PCSK6: variants seen among roughly 807,000 people sequenced by gnomAD.
PCSK6 encodes proprotein convertase subtilisin/kexin type 6, also known as paired basic amino acid cleaving enzyme 4.
A neutral mutation model predicts 123.3 loss-of-function variants in PCSK6; 85 were observed. The ratio of observed to expected loss-of-function variants is 0.69; its 90% CI spans 0.58 to 0.83. PCSK6 has a LOEUF of 0.83. Among genes scored for constraint, PCSK6 ranks in the 40% least tolerant of loss-of-function variants. The pLI, the probability that PCSK6 is intolerant of heterozygous loss-of-function variation, is 0.00. For synonymous variants in PCSK6, 508 were observed against 516.0 expected (o/e 0.98, Z 0.21); for missense variants, 1,191 against 1,282.3 (o/e 0.93, Z 1.09).
chr15:101,403,304 G>A (rs1283173970), intron 6 of PCSK6, among the ~76,000 whole-genome samples: 1 of 149,060 alleles, frequency 6.7e-6, no homozygotes, highest in East Asian at 2.0e-4. Context: ...ATAGCATTAG[G>A]AGATATACCT....
intron 8 of PCSK6, among the ~76,000 whole-genome samples, chr15:101,392,773 C>A (rs1394042237): frequency 6.6e-6 from 1 of 152,242 alleles, no homozygotes; most frequent in South Asian, 2.1e-4. Context: ...TCTGTAGCAA[C>A]AGAATGCCTA....
chr15:101,380,003 C>A (rs2041869454), intron 11 of PCSK6, among the ~76,000 whole-genome samples: 1 of 152,148 alleles, frequency 6.6e-6, no homozygotes, highest in Non-Finnish European at 1.5e-5. Flanking sequence ...ATCTGATAAG[C>A]AAGTGGTGTG....
chr15:101,462,214 T>C (rs2057355768), intron 1 of PCSK6, among the ~76,000 whole-genome samples: 1 of 152,230 alleles, frequency 6.6e-6, no homozygotes, highest in Non-Finnish European at 1.5e-5. Flanking sequence ...TGTTAGACAC[T>C]TAAGGTACCT....
intron 19 of PCSK6, among the ~76,000 whole-genome samples, chr15:101,318,065 T>G (rs998493332): frequency 6.6e-6 from 1 of 152,244 alleles, no homozygotes; most frequent in African/African-American, 2.4e-5. Flanking sequence ...CACACTGTTA[T>G]GTAACCATTG....
chr15:101,488,022 C>T (rs1473556372), intron 1 of PCSK6, among the ~76,000 whole-genome samples: 3 of 152,160 alleles, frequency 2.0e-5, no homozygotes, highest in African/African-American at 7.2e-5. Context: ...CTCGAACCTG[C>T]CTTGTGAAGA....
At chr15:101,307,369 C>T (rs763460633) in intron 20 of PCSK6, 44 bp from the exon 21 acceptor site, 1 of 1,436,954 alleles carries the variant, frequency 7.0e-7, no homozygotes, top group East Asian at 2.4e-5. Flanking sequence ...GGAAGAGGCT[C>T]CACCACTCCG....
At chr15:101,347,084 C>T in intron 13 of PCSK6, 1 of 1,231,654 alleles carries the variant, frequency 8.1e-7, no homozygotes. Context: ...CCAAGTTCTT[C>T]AGCTCTGTTT....
chr15:101,467,995 T>C (rs893256144), intron 1 of PCSK6, among the ~76,000 whole-genome samples: 1 of 152,222 alleles, frequency 6.6e-6, no homozygotes, highest in Non-Finnish European at 1.5e-5. Flanking sequence ...TTATACTTTG[T>C]ATAACCAACA....
At chr15:101,439,712 C>T (rs2056703495) in intron 2 of PCSK6, among the ~76,000 whole-genome samples, 2 of 152,230 alleles carry the variant, frequency 1.3e-5, no homozygotes, top group African/African-American at 4.8e-5. Context: ...TTCAACATTG[C>T]ATCACTGCTG....
intron 1 of PCSK6, among the ~76,000 whole-genome samples, chr15:101,460,020 T>C (rs1596358224): frequency 6.6e-6 from 1 of 152,188 alleles, no homozygotes; most frequent in East Asian, 1.9e-4. Flanking sequence ...TTCCATCTGA[T>C]GTTTGCCACC....
Position 101,307,483 on chromosome 15 carries a change from GC to G in PCSK6, c.2700-159del, listed in dbSNP as rs1317026061. On this transcript the variant is annotated intron_variant, in intron 20 of 21. Coordinates refer to ENST00000611716, the MANE Select transcript of PCSK6 (RefSeq NM_002570.5). The stretch of plus-strand genomic sequence containing the variant: ...TCGCCCACCATTCCCTGACACAGGG[GC>G]TGAGTGTCTGCATGTCTTTTCTCCT... The G allele has an allele frequency of 9.9e-6, 6 of 607,058 alleles. No individual in the cohort carries two copies. In the African/African-American group the frequency reaches 1.1e-4, roughly 11 times the overall value. The allele number at this position is 607,058 out of a possible 1,614,324, so 37.6% of individuals were successfully genotyped here. A position where few individuals can be genotyped will look rare whatever the true frequency, so the allele number is the denominator to read the frequency against.
intron 13 of PCSK6, among the ~76,000 whole-genome samples, chr15:101,356,690 TAAATAAATAAATA>T (rs2041055470): frequency 1.3e-5 from 1 of 78,514 alleles, no homozygotes; most frequent in African/African-American, 3.4e-5. Context: ...AATAAATAAA[TAAATAAATAAATA>T]AATAAATAAA....
chr15:101,472,810 G>C (rs894582435), intron 1 of PCSK6, among the ~76,000 whole-genome samples: 1 of 152,220 alleles, frequency 6.6e-6, no homozygotes, highest in Non-Finnish European at 1.5e-5. Flanking sequence ...GTTCTCTGTA[G>C]CCATTGAACT....
intron 13 of PCSK6, among the ~76,000 whole-genome samples, chr15:101,350,057 C>A (rs1044500185): frequency 2.0e-5 from 3 of 152,010 alleles, no homozygotes; most frequent in African/African-American, 7.3e-5. Flanking sequence ...TACAGGTGCA[C>A]GCCACCATGC....
At chr15:101,437,411 C>A (rs748550482) in intron 2 of PCSK6, among the ~76,000 whole-genome samples, 2 of 152,120 alleles carry the variant, frequency 1.3e-5, no homozygotes, top group Non-Finnish European at 2.9e-5. Flanking sequence ...TAAGCCCGGG[C>A]AGTAGAGGAG....
At chr15:101,413,945 C>G (rs1232246825) in intron 6 of PCSK6, among the ~76,000 whole-genome samples, 1 of 151,796 alleles carries the variant, frequency 6.6e-6, no homozygotes. Flanking sequence ...CTACAGGAGA[C>G]TCAATTCAAA....
At chr15:101,394,817 A>G (rs1377399088) in intron 7 of PCSK6, among the ~76,000 whole-genome samples, 1 of 152,186 alleles carries the variant, frequency 6.6e-6, no homozygotes, top group Non-Finnish European at 1.5e-5. Flanking sequence ...GGCTCCCAAG[A>G]AAGCCCACAG....
At chr15:101,371,150 C>T (rs1305738729) in intron 11 of PCSK6, among the ~76,000 whole-genome samples, 2 of 152,026 alleles carry the variant, frequency 1.3e-5, no homozygotes, top group African/African-American at 4.8e-5. Flanking sequence ...GAGGTTGCAG[C>T]GAGCCGAGGT....
At chr15:101,372,565 C>G (rs1306205494) in intron 11 of PCSK6, among the ~76,000 whole-genome samples, 1 of 152,158 alleles carries the variant, frequency 6.6e-6, no homozygotes, top group African/African-American at 2.4e-5. Context: ...CAAGAGAAGG[C>G]TCTGGGGAGT....
Sources: gnomAD v4.1 joint callset for allele counts (sites outside exome capture counted in the v4.1 genomes callset) on GRCh38, gnomAD v4.1.1 for gene constraint, MANE v1.5 for transcripts, NCBI Gene and HGNC (gene_info 2026-07-23, HGNC 2026-07-21) for gene names.